Variants in JMY observed in about 807,000 individuals in gnomAD.
The protein encoded by JMY is junction-mediating and -regulatory protein.
JMY carries 46 observed loss-of-function variants against 103.3 expected under a neutral mutation model. That is an observed-to-expected ratio of 0.45 (90% CI 0.35 to 0.57). JMY has a LOEUF of 0.57. JMY is among the 20% of genes least tolerant of loss of function. The pLI, the probability that JMY is intolerant of heterozygous loss-of-function variation, is 0.00. For missense variants in JMY, 1,238 were observed against 1,255.2 expected, an observed-to-expected ratio of 0.99 and a Z score of 0.21; for synonymous variants, 526 against 489.3, an observed-to-expected ratio of 1.07 and a Z score of -0.99.
intron 2 of JMY, among the ~76,000 whole-genome samples, chr5:79,287,398 TTAGGGGGAAC>T (rs1263645128): frequency 6.6e-6 from 1 of 152,154 alleles, no homozygotes; most frequent in Non-Finnish European, 1.5e-5. Flanking sequence ...ACTTTCAAAG[TTAGGGGGAAC>T]TAGCTTAAGG....
chr5:79,320,475 A>T (rs1435709707), intron 10 of JMY, among the ~76,000 whole-genome samples: 1 of 151,688 alleles, frequency 6.6e-6, no homozygotes, highest in African/African-American at 2.4e-5. Flanking sequence ...ATGCCCAGCT[A>T]ATTTTTTTGA....
chr5:79,263,320 G>C (rs1180208882), intron 1 of JMY, among the ~76,000 whole-genome samples: 1 of 152,222 alleles, frequency 6.6e-6, no homozygotes, highest in Non-Finnish European at 1.5e-5. Flanking sequence ...TTGGGCCAAA[G>C]TAAGGACAGC....
At chr5:79,256,635 C>T (rs2112059498) in intron 1 of JMY, among the ~76,000 whole-genome samples, 1 of 152,174 alleles carries the variant, frequency 6.6e-6, no homozygotes, top group South Asian at 2.1e-4. Flanking sequence ...AACTGTTGGC[C>T]TCAAGTGATT....
In JMY at chr5:79,255,243, C is replaced by T. The variant is rs190830640; in HGVS notation, c.1032+17561C>T. Among the ~76,000 whole-genome samples the T allele has an allele frequency of 4.8e-4, 72 of 151,490 alleles. 1 individual carries two copies. The East Asian group carries it at 0.013, about 28-fold the overall frequency. ...TCCTGAGTACCTGGGATTACAGGCA[C>T]CCACCACCACGCCTGGCTAATTTTT... On this transcript the variant is annotated intron_variant, in intron 1 of 10. Coordinates refer to ENST00000396137, the MANE Select transcript of JMY (RefSeq NM_152405.5).
intron 1 of JMY, among the ~76,000 whole-genome samples, chr5:79,239,399 C>A (rs1361086540): frequency 6.6e-6 from 1 of 152,070 alleles, no homozygotes; most frequent in African/African-American, 2.4e-5. Context: ...CTGCAAGAAC[C>A]GTTAGTGCTT....
Position 79,248,452 on chromosome 5 carries a change from G to A in JMY, c.1032+10770G>A, listed in dbSNP as rs192785643. On this transcript the variant is annotated intron_variant, in intron 1 of 10. Transcript: ENST00000396137. ...CTCCCAAGTAGCTGGGGTTACAGGTGCGTGCTACCACACCCAGCTAAGTTT... is the reference window on the plus strand; with the variant it reads ...CTCCCAAGTAGCTGGGGTTACAGGTACGTGCTACCACACCCAGCTAAGTTT... 2.6e-3 allele frequency among the ~76,000 whole-genome samples: 395 copies of A among 151,600 alleles called. 1 individual carries two copies. Among genetic ancestry groups the A allele is most frequent in the Admixed American group, 5.1e-3 (78 of 15,206 alleles).
intron 2 of JMY, among the ~76,000 whole-genome samples, chr5:79,280,900 T>TA (rs1400133540): frequency 7.3e-5 from 11 of 150,178 alleles, no homozygotes; most frequent in South Asian, 4.2e-4. Context: ...ACTTCTAAGT[T>TA]AAAAAATCTA....
chr5:79,265,541 T>C (rs1353827287), intron 1 of JMY, among the ~76,000 whole-genome samples: 4 of 151,784 alleles, frequency 2.6e-5, no homozygotes, highest in African/African-American at 9.7e-5. Context: ...TACCGTCACT[T>C]TGATATGGCC....
At position 79,279,846 on chromosome 5, in the gene JMY, T is replaced by G. The variant is rs141139860; in HGVS notation, c.1206+1763T>G. ...TTGGAAATTCCTGGTTTTTTTTGTT[T>G]TGTTTTGTTTTGTTTTTTTGAGACA... On this transcript the variant is annotated intron_variant, in intron 2 of 10. Coordinates refer to ENST00000396137, the MANE Select transcript of JMY (RefSeq NM_152405.5). 5.6e-4 allele frequency among the ~76,000 whole-genome samples: 85 copies of G among 152,174 alleles called. 1 individual carries two copies. The East Asian group carries it at 0.014, about 25-fold the overall frequency.
intron 1 of JMY, among the ~76,000 whole-genome samples, chr5:79,277,291 A>G (rs886949029): frequency 3.3e-5 from 5 of 151,966 alleles, no homozygotes; most frequent in Admixed American, 2.0e-4. Context: ...AATTTATTGG[A>G]AATGTTCCAG....
chr5:79,262,153 C>T (rs1745442887), intron 1 of JMY, among the ~76,000 whole-genome samples: 1 of 152,154 alleles, frequency 6.6e-6, no homozygotes, highest in African/African-American at 2.4e-5. Flanking sequence ...GATCCATCTG[C>T]GTTCTTATTC....
intron 1 of JMY, among the ~76,000 whole-genome samples, chr5:79,241,493 G>C (rs1462560683): frequency 1.3e-5 from 2 of 152,114 alleles, no homozygotes; most frequent in Admixed American, 1.3e-4. Context: ...TACTTCAAAG[G>C]AAAATTTCTT....
At chr5:79,318,285 G>C (rs1052939248) in intron 10 of JMY, among the ~76,000 whole-genome samples, 1 of 151,950 alleles carries the variant, frequency 6.6e-6, no homozygotes, top group Non-Finnish European at 1.5e-5. Flanking sequence ...AAAGTGCTGG[G>C]ATTACAGGTG....
At chr5:79,249,687 T>G (rs1375472775) in intron 1 of JMY, among the ~76,000 whole-genome samples, 3 of 152,264 alleles carry the variant, frequency 2.0e-5, no homozygotes. Flanking sequence ...AATGTTTTTC[T>G]CTTTTCATTT....
intron 1 of JMY, among the ~76,000 whole-genome samples, chr5:79,247,324 A>T (rs550893165): frequency 2.6e-5 from 4 of 152,068 alleles, no homozygotes; most frequent in Non-Finnish European, 4.4e-5. Flanking sequence ...ATTTTTTGAG[A>T]TGGAGTCTCA....
intron 2 of JMY, among the ~76,000 whole-genome samples, chr5:79,278,412 C>CT (rs1434143917): frequency 1.3e-5 from 2 of 151,602 alleles, no homozygotes; most frequent in Non-Finnish European, 2.9e-5. Context: ...GTCATGTCTC[C>CT]TCTTTAATGT....
In JMY at chr5:79,270,470, T is replaced by C. The variant is rs1156847021; in HGVS notation, c.1033-7440T>C. On this transcript the variant is annotated intron_variant, in intron 1 of 10. Coordinates refer to ENST00000396137, the MANE Select transcript of JMY (RefSeq NM_152405.5). ...TATATTTACATAAATATTTAAAATG[T>C]ATATTTACATAAATATTTACATAAA... is the stretch of plus-strand genomic sequence containing the variant. Among the ~76,000 whole-genome samples the C allele has an allele frequency of 4.7e-4, 36 of 77,106 alleles. 5 individuals carry two copies. The highest frequency in any genetic ancestry group is 1.6e-3 in the African/African-American group (34 of 21,452). 50.6% of individuals were successfully genotyped at this position (77,106 alleles called of 152,430 possible).
intron 1 of JMY, among the ~76,000 whole-genome samples, chr5:79,243,183 CA>C (rs147048174): frequency 0.033 from 5,024 of 152,214 alleles, 113 homozygotes; most frequent in Non-Finnish European, 0.047. Flanking sequence ...GGGCAAGGGG[CA>C]AGGAGCTCTA....
At position 79,236,879 on chromosome 5, in the gene JMY, G is replaced by C; in HGVS notation, c.229G>C (p.Gly77Arg). 1 of 1,387,592 alleles carries C rather than the reference G, an allele frequency of 7.2e-7. No homozygotes were observed. The allele number at this position is 1,387,592 out of a possible 1,614,324, so 86.0% of individuals were successfully genotyped here. ...GAEAGGAASDGSRGPGSPAGR... is the reference protein window; with the variant it reads ...GAEAGGAASDRSRGPGSPAGR... ...CGAGGCCGGCGGAGCTGCGTCCGAC[G>C]GGAGCCGCGGGCCCGGCAGCCCGGC... Residue 77 changes from glycine to arginine, a missense_variant, in exon 1 of 11, where the codon GGG (glycine) becomes CGG (arginine). Gly to Arg is a moderately radical substitution (Grantham distance 125). Coordinates refer to ENST00000396137, the MANE Select transcript of JMY (RefSeq NM_152405.5).
Sources: gnomAD v4.1 joint callset for allele counts (sites outside exome capture counted in the v4.1 genomes callset) on GRCh38, gnomAD v4.1.1 for gene constraint, MANE v1.5 for transcripts, NCBI Gene and HGNC (gene_info 2026-07-23, HGNC 2026-07-21) for gene names.